The following SOX5 variants were observed in gnomAD, a reference collection of about 807,000 sequenced individuals.
SOX5 encodes transcription factor SOX-5.
In SOX5, 9 loss-of-function variants were observed where a neutral mutation model predicts 92.0. That is an observed-to-expected ratio of 0.10 (90% CI 0.06 to 0.17). The LOEUF is 0.17. SOX5 is among the 10% of genes least tolerant of loss of function. The pLI is 1.00. For missense variants in SOX5, 642 were observed against 944.5 expected (o/e 0.68, Z 4.20); for synonymous variants, 344 against 336.3 (o/e 1.02, Z -0.25).
chr12:23,991,103 C>G (rs1950511521), intron 4 of SOX5, among the ~76,000 whole-genome samples: 1 of 151,358 alleles, frequency 6.6e-6, no homozygotes, highest in Non-Finnish European at 1.5e-5. Context: ...TCTATAATCC[C>G]AGCACTTTGG....
chr12:23,598,497 C>A (rs1206544594), intron 9 of SOX5, among the ~76,000 whole-genome samples: 1 of 140,606 alleles, frequency 7.1e-6, no homozygotes, highest in East Asian at 2.2e-4. Flanking sequence ...CTCCTGGGTT[C>A]ATGCTATTCT....
At chr12:24,309,934 AG>A (rs1162931351) in intron 2 of SOX5, among the ~76,000 whole-genome samples, 1 of 152,162 alleles carries the variant, frequency 6.6e-6, no homozygotes, top group African/African-American at 2.4e-5. Flanking sequence ...TGCTTGCCAA[AG>A]CAGGTATTTT....
chr12:24,216,166 A>C (rs956677393), intron 3 of SOX5, among the ~76,000 whole-genome samples: 1 of 152,230 alleles, frequency 6.6e-6, no homozygotes, highest in African/African-American at 2.4e-5. Context: ...GATAGCCTAC[A>C]GGATGGGGGA....
At position 23,778,798 on chromosome 12, in the gene SOX5, C is replaced by T. The variant is rs534145154; in HGVS notation, c.482-23074G>A. Among the ~76,000 whole-genome samples, 4 of 152,208 alleles carry T rather than the reference C, an allele frequency of 2.6e-5. No homozygotes were observed. The South Asian group carries it at 8.3e-4, about 32-fold the overall frequency. On this transcript the variant is annotated intron_variant, in intron 3 of 14. Transcript: ENST00000451604. ...AGGAAAATTATCATGTCTTCTTCTT[C>T]ATAAGAGAGTGGTGAGACTCAAGGC...
chr12:23,686,118 C>T (rs2087524704), intron 6 of SOX5, among the ~76,000 whole-genome samples: 1 of 152,150 alleles, frequency 6.6e-6, no homozygotes, highest in Admixed American at 6.5e-5. Context: ...AATTAGAGAG[C>T]AAACATTTGT....
intron 7 of SOX5, among the ~76,000 whole-genome samples, chr12:23,647,493 A>G (rs1265514193): frequency 6.6e-6 from 1 of 152,208 alleles, no homozygotes; most frequent in Non-Finnish European, 1.5e-5. Context: ...CCAGACATTG[A>G]CTTGACTTGT....
chr12:24,225,241 C>G (rs564624613), intron 3 of SOX5, among the ~76,000 whole-genome samples: 1 of 152,106 alleles, frequency 6.6e-6, no homozygotes, highest in African/African-American at 2.4e-5. Context: ...ATACCTAACC[C>G]ATCACCAAAA....
intron 1 of SOX5, among the ~76,000 whole-genome samples, chr12:24,404,202 T>C (rs1261709617): frequency 6.6e-6 from 1 of 152,206 alleles, no homozygotes; most frequent in African/African-American, 2.4e-5. Flanking sequence ...GATTTAAATA[T>C]GTTGTTTTAT....
At chr12:24,121,269 A>G (rs1388556232) in intron 4 of SOX5, among the ~76,000 whole-genome samples, 3 of 152,218 alleles carry the variant, frequency 2.0e-5, no homozygotes, top group Admixed American at 6.5e-5. Flanking sequence ...CCAAAAGTTC[A>G]TGGAAAATGT....
chr12:24,113,169 T>C (rs1182634141), intron 4 of SOX5, among the ~76,000 whole-genome samples: 1 of 149,844 alleles, frequency 6.7e-6, no homozygotes, highest in Non-Finnish European at 1.5e-5. Flanking sequence ...TAAAATTATA[T>C]ATTTATTTGA....
At chr12:23,675,672 G>T (rs2085553315) in intron 6 of SOX5, among the ~76,000 whole-genome samples, 1 of 152,062 alleles carries the variant, frequency 6.6e-6, no homozygotes. Flanking sequence ...AGCTCAGGCA[G>T]CAAAAGCAAA....
At chr12:23,640,026 G>A (rs964620804) in intron 8 of SOX5, among the ~76,000 whole-genome samples, 1 of 152,158 alleles carries the variant, frequency 6.6e-6, no homozygotes, top group African/African-American at 2.4e-5. Flanking sequence ...CAAGAGGAGA[G>A]TAATCCTATT....
intron 4 of SOX5, among the ~76,000 whole-genome samples, chr12:24,144,123 A>G (rs1448335627): frequency 5.3e-5 from 8 of 152,188 alleles, no homozygotes; most frequent in African/African-American, 1.7e-4. Flanking sequence ...CAAACAGAGC[A>G]TGACAGCAGA....
chr12:24,114,573 C>CAAAAAAAAA (rs55913110), intron 4 of SOX5, among the ~76,000 whole-genome samples: 21 of 40,594 alleles, frequency 5.2e-4, no homozygotes, highest in Admixed American at 8.8e-4. Flanking sequence ...CACCCCGTCA[C>CAAAAAAAAA]AAAAAAAAAA....
intron 1 of SOX5, among the ~76,000 whole-genome samples, chr12:24,474,860 G>GT (rs940544752): frequency 7.6e-5 from 11 of 145,484 alleles, no homozygotes; most frequent in South Asian, 2.2e-4. Flanking sequence ...CTTAGTGAGA[G>GT]TTTTTTTTTG....
intron 11 of SOX5, among the ~76,000 whole-genome samples, chr12:23,549,318 A>G (rs911435232): frequency 5.3e-5 from 8 of 151,966 alleles, no homozygotes; most frequent in Non-Finnish European, 1.2e-4. Context: ...ACAAGTGACA[A>G]TTTTTTACCG....
At chr12:23,752,982 A>G (rs949772474) in intron 4 of SOX5, among the ~76,000 whole-genome samples, 5 of 151,826 alleles carry the variant, frequency 3.3e-5, no homozygotes, top group Non-Finnish European at 7.4e-5. Flanking sequence ...ATGAATTCTA[A>G]CAGGTAAAAT....
intron 1 of SOX5, among the ~76,000 whole-genome samples, chr12:24,450,898 C>A (rs910662647): frequency 6.6e-6 from 1 of 152,082 alleles, no homozygotes; most frequent in African/African-American, 2.4e-5. Flanking sequence ...AATGCTAAAT[C>A]TTATTGTTTT....
At chr12:24,188,680 G>A (rs1956241238) in intron 4 of SOX5, among the ~76,000 whole-genome samples, 2 of 152,152 alleles carry the variant, frequency 1.3e-5, no homozygotes, top group Non-Finnish European at 2.9e-5. Flanking sequence ...AAAGCACAGA[G>A]TCTTAAACAT....
Sources: gnomAD v4.1 joint callset for allele counts (sites outside exome capture counted in the v4.1 genomes callset) on GRCh38, gnomAD v4.1.1 for gene constraint, MANE v1.5 for transcripts, NCBI Gene and HGNC (gene_info 2026-07-23, HGNC 2026-07-21) for gene names.